SLC4A4: variants seen among roughly 807,000 people sequenced by gnomAD.
The protein encoded by SLC4A4 is solute carrier family 4 member 4, also known as electrogenic sodium bicarbonate cotransporter 1.
In SLC4A4, 27 loss-of-function variants were observed where a neutral mutation model predicts 111.5. That is an observed-to-expected ratio of 0.24 (90% CI 0.18 to 0.33). The LOEUF (loss-of-function observed/expected upper bound fraction) is 0.33. SLC4A4 is among the 10% of genes least tolerant of loss of function. The pLI, the probability that SLC4A4 is intolerant of heterozygous loss-of-function variation, is 1.00. For missense variants in SLC4A4, 909 were observed against 1,315.5 expected, an observed-to-expected ratio of 0.69 and a Z score of 4.78; for synonymous variants, 443 against 463.4, an observed-to-expected ratio of 0.96 and a Z score of 0.57.
chr4:71,084,443 G>A (rs1452885611), intron 1 of SLC4A4, among the ~76,000 whole-genome samples: 1 of 151,676 alleles, frequency 6.6e-6, no homozygotes, highest in Non-Finnish European at 1.5e-5. Context: ...TAGGGTACAT[G>A]GGCACAATGT....
At chr4:71,141,331 C>G (rs1181899864) in intron 2 of SLC4A4, among the ~76,000 whole-genome samples, 2 of 152,242 alleles carry the variant, frequency 1.3e-5, no homozygotes, top group African/African-American at 2.4e-5. Flanking sequence ...CCTTACATCA[C>G]TTTCTGTTAC....
At chr4:71,449,126 A>C (rs1012551851) in intron 9 of SLC4A4, among the ~76,000 whole-genome samples, 1 of 152,216 alleles carries the variant, frequency 6.6e-6, no homozygotes, top group African/African-American at 2.4e-5. Flanking sequence ...TAACGGCTTA[A>C]TGATAAATCA....
Position 71,516,379 on chromosome 4 carries a change from G to T in SLC4A4, c.2167-15683G>T, listed in dbSNP as rs560688381. Among the ~76,000 whole-genome samples the T allele has an allele frequency of 3.3e-5, 5 of 152,242 alleles. No homozygotes were observed. In the South Asian group the frequency reaches 1.0e-3, roughly 32 times the overall value. ...CCCAAAGTGCTGGGATTACAGGCGT[G>T]AGCCACCGCGCCCAGCCAAGGGATT... On this transcript the variant is annotated intron_variant, in intron 16 of 25. Coordinates refer to ENST00000264485, the MANE Select transcript of SLC4A4 (RefSeq NM_001098484.3).
At chr4:71,149,088 GA>G (rs987889844) in intron 2 of SLC4A4, among the ~76,000 whole-genome samples, 1 of 151,986 alleles carries the variant, frequency 6.6e-6, no homozygotes, top group African/African-American at 2.4e-5. Context: ...GCTATTCAAA[GA>G]AATTAATTTT....
At chr4:71,280,199 G>A (rs1347784928) in intron 3 of SLC4A4, among the ~76,000 whole-genome samples, 1 of 152,170 alleles carries the variant, frequency 6.6e-6, no homozygotes, top group African/African-American at 2.4e-5. Flanking sequence ...ATATCTGTTG[G>A]TTATTTGTAT....
At position 71,208,288 on chromosome 4, in the gene SLC4A4, G is replaced by A. The variant is rs561821915; in HGVS notation, c.-2+20887G>A. ...TACTAAAAATACAAAAAAATTTGCC[G>A]GGTGTGGTGGCGGGCACCTGTAGTC... On this transcript the variant is annotated intron_variant, in intron 1 of 25. Coordinates refer to ENST00000264485, the MANE Select transcript of SLC4A4 (RefSeq NM_001098484.3). Among the ~76,000 whole-genome samples the A allele has an allele frequency of 3.3e-5, 5 of 152,086 alleles. 1 individual carries two copies. The South Asian group carries it at 8.3e-4, about 25-fold the overall frequency.
At chr4:71,414,177 C>T (rs770358248) in intron 7 of SLC4A4, among the ~76,000 whole-genome samples, 2 of 152,234 alleles carry the variant, frequency 1.3e-5, no homozygotes, top group Non-Finnish European at 2.9e-5. Flanking sequence ...CCCATGCACT[C>T]CCTGGATCCC....
intron 4 of SLC4A4, 109 bp from the exon 5 acceptor site, chr4:71,349,801 AAG>A (rs1578892040): frequency 3.3e-6 from 3 of 920,284 alleles, no homozygotes; most frequent in Non-Finnish European, 5.2e-6. Context: ...ACTCCACAAA[AAG>A]AGACATTTTG....
chr4:71,338,522 TTTC>T (rs1005341699), intron 3 of SLC4A4, among the ~76,000 whole-genome samples: 20 of 151,754 alleles, frequency 1.3e-4, no homozygotes, highest in South Asian at 2.1e-4. Context: ...CTCTCTTTCT[TTTC>T]TTCTTCTTCT....
chr4:71,324,117 C>G (rs187735494), intron 3 of SLC4A4, among the ~76,000 whole-genome samples: 1 of 151,974 alleles, frequency 6.6e-6, no homozygotes, highest in East Asian at 1.9e-4. Flanking sequence ...TGCAGTCTTA[C>G]GATATGCAGA....
chr4:71,568,819 T>C lies in SLC4A4; in HGVS notation c.*1068T>C, dbSNP rs1397323946. 1 of 152,040 alleles carries C rather than the reference T, an allele frequency of 6.6e-6. No individual in the cohort carries two copies. The highest frequency in any genetic ancestry group is 1.5e-5 in the Non-Finnish European group (1 of 67,778). The allele number at this position is 152,040 out of a possible 1,614,324, so 9.4% of individuals were successfully genotyped here. A position where few individuals can be genotyped will look rare whatever the true frequency, so the allele number is the denominator to read the frequency against. ...GGGTAAGCCAGAAGGCAAGATCAGA[T>C]TAAAAACACCATGTTTCTAAGCATC... On this transcript the variant is annotated 3_prime_UTR_variant, in exon 26 of 26. Transcript: ENST00000264485.
At chr4:71,558,114 A>G (rs1185050695) in intron 22 of SLC4A4, among the ~76,000 whole-genome samples, 1 of 151,986 alleles carries the variant, frequency 6.6e-6, no homozygotes, top group African/African-American at 2.4e-5. Context: ...CATGCTCAGC[A>G]GTAAACTTCT....
intron 14 of SLC4A4, among the ~76,000 whole-genome samples, chr4:71,478,360 A>G (rs2149117381): frequency 6.6e-6 from 1 of 152,128 alleles, no homozygotes; most frequent in South Asian, 2.1e-4. Context: ...AACCAACCCA[A>G]ATGCCCATCA....
At chr4:71,423,236 C>T (rs1722741352) in intron 7 of SLC4A4, among the ~76,000 whole-genome samples, 1 of 152,106 alleles carries the variant, frequency 6.6e-6, no homozygotes, top group South Asian at 2.1e-4. Flanking sequence ...CTCCCATTAA[C>T]AATTGCTTCA....
chr4:71,543,186 T>C (rs1004324064), intron 18 of SLC4A4, among the ~76,000 whole-genome samples: 4 of 152,086 alleles, frequency 2.6e-5, no homozygotes, highest in Admixed American at 2.6e-4. Context: ...GTGGGAAGAC[T>C]ATTTTGGACA....
intron 3 of SLC4A4, among the ~76,000 whole-genome samples, chr4:71,269,299 C>T (rs572910356): frequency 6.6e-6 from 1 of 152,316 alleles, no homozygotes; most frequent in African/African-American, 2.4e-5. Context: ...CTAGAGAAAA[C>T]TCCTTTGAAA....
At chr4:71,084,713 G>C (rs1006980157) in intron 1 of SLC4A4, among the ~76,000 whole-genome samples, 1 of 152,016 alleles carries the variant, frequency 6.6e-6, no homozygotes, top group Non-Finnish European at 1.5e-5. Context: ...CTTCATCCAT[G>C]TCCCTACAAA....
chr4:71,172,466 G>A (rs897674226), intron 2 of SLC4A4, among the ~76,000 whole-genome samples: 1 of 152,074 alleles, frequency 6.6e-6, no homozygotes. Flanking sequence ...ATGTTGGCCA[G>A]GATGGTCTCA....
rs778178633 is a variant in SLC4A4, at chr4:71,397,656, A to T, written c.807+3A>T. 1.3e-5 allele frequency: 21 copies of T among 1,613,344 alleles called. 1 individual carries two copies. The South Asian group carries it at 2.3e-4, about 18-fold the overall frequency. On this transcript the variant is annotated splice_donor_region_variant and intron_variant, in intron 7 of 25. Coordinates refer to ENST00000264485, the MANE Select transcript of SLC4A4 (RefSeq NM_001098484.3). ...CTGATAAACCGGAGAAGGACCAGGT[A>T]AGCAAAAAATTCTTGCTTCTTTGAA... is the stretch of plus-strand genomic sequence containing the variant.
Sources: gnomAD v4.1 joint callset for allele counts (sites outside exome capture counted in the v4.1 genomes callset) on GRCh38, gnomAD v4.1.1 for gene constraint, MANE v1.5 for transcripts, NCBI Gene and HGNC (gene_info 2026-07-23, HGNC 2026-07-21) for gene names.